The following PRPF4 variants were observed in gnomAD, a reference collection of about 807,000 sequenced individuals.
The protein encoded by PRPF4 is U4/U6 small nuclear ribonucleoprotein Prp4.
A neutral mutation model predicts 72.2 loss-of-function variants in PRPF4; 14 were observed. The observed-to-expected ratio is 0.19, with a 90% CI of 0.13 to 0.30. The LOEUF is 0.30. Ranked by LOEUF, PRPF4 falls within the 10% of genes least tolerant of loss-of-function variation. The probability of loss-of-function intolerance (pLI) is 1.00; values close to 1 mark genes in which losing one functional copy is unlikely to be tolerated. For missense variants in PRPF4, 478 were observed against 653.9 expected (o/e 0.73, Z 2.93); for synonymous variants, 225 against 232.2 (o/e 0.97, Z 0.28).
intron 9 of PRPF4, among the ~76,000 whole-genome samples, chr9:113,287,123 A>G (rs1207139138): frequency 6.6e-6 from 1 of 152,166 alleles, no homozygotes; most frequent in Non-Finnish European, 1.5e-5. Context: ...TAGTGTGAAA[A>G]TGAAGTAAGT....
rs375183276 is a variant in PRPF4 at position 113,287,058 on chromosome 9, CA to C, written c.932+241del. On this transcript the variant is annotated intron_variant, in intron 9 of 13. Coordinates refer to ENST00000374198, the MANE Select transcript of PRPF4 (RefSeq NM_001244926.2). Reference sequence around the variant, plus strand: ...AGAGCAAGACTCCGTCTTGAAAGAACAAAAAAAAAAATCTGGCATTTAACCC... The same window carrying C: ...AGAGCAAGACTCCGTCTTGAAAGAACAAAAAAAAAATCTGGCATTTAACCC... Among the ~76,000 whole-genome samples the C allele has an allele frequency of 5.1e-4, 74 of 144,766 alleles. 1 individual carries two copies. The highest frequency in any genetic ancestry group is 1.2e-3 in the Admixed American group (18 of 14,612). 95.0% of individuals were successfully genotyped at this position (144,766 alleles called of 152,430 possible). A position where few individuals can be genotyped will look rare whatever the true frequency, so the allele number is the denominator to read the frequency against.
At chr9:113,282,988 T>C (rs1004554249) in intron 4 of PRPF4, 144 bp from the exon 5 acceptor site, 1 of 1,461,012 alleles carries the variant, frequency 6.8e-7, no homozygotes. Context: ...TAGAAAAAAA[T>C]TCAGTAGAAA....
chr9:113,282,268 T>C (rs1454009775), intron 3 of PRPF4, among the ~76,000 whole-genome samples: 2 of 152,004 alleles, frequency 1.3e-5, no homozygotes, highest in African/African-American at 4.8e-5. Flanking sequence ...AGCCCAGAAG[T>C]TCAAGACTTG....
rs1296800336 is a variant in PRPF4 at position 113,287,285 on chromosome 9, T to C, written c.932+457T>C. Among the ~76,000 whole-genome samples the C allele has an allele frequency of 3.3e-5, 5 of 152,288 alleles. No homozygotes were observed. The East Asian group carries it at 9.6e-4, about 29-fold the overall frequency. ...AGAAAGATCCAGCCTACCTCCTACA[T>C]GATAAATTAACAATGAACTAAATAT... is the stretch of plus-strand genomic sequence containing the variant. On this transcript the variant is annotated intron_variant, in intron 9 of 13. Coordinates refer to ENST00000374198, the MANE Select transcript of PRPF4 (RefSeq NM_001244926.2).
At chr9:113,283,705 T>C (rs1832350929) in intron 6 of PRPF4, among the ~76,000 whole-genome samples, 1 of 152,104 alleles carries the variant, frequency 6.6e-6, no homozygotes, top group South Asian at 2.1e-4. Context: ...TTTCTCCCCG[T>C]TAATATGTCA....
intron 10 of PRPF4, among the ~76,000 whole-genome samples, 178 bp from the exon 11 acceptor site, chr9:113,290,288 C>T (rs1832570993): frequency 6.6e-6 from 1 of 151,622 alleles, no homozygotes; most frequent in Non-Finnish European, 1.5e-5. Context: ...GCACCTAAGG[C>T]AGATAAGCTT....
intron 7 of PRPF4, among the ~76,000 whole-genome samples, chr9:113,285,076 A>G (rs1440647689): frequency 1.3e-5 from 2 of 152,032 alleles, no homozygotes; most frequent in Non-Finnish European, 2.9e-5. Context: ...CACCTCTCCA[A>G]GCCTCATTAC....
At chr9:113,286,607 T>G in intron 8 of PRPF4, 98 bp from the exon 9 acceptor site, 1 of 1,372,076 alleles carries the variant, frequency 7.3e-7, no homozygotes, top group South Asian at 1.3e-5. Flanking sequence ...AGTTGAATAG[T>G]CACTTGAATA....
At chr9:113,284,215 C>G in intron 6 of PRPF4, 80 bp from the exon 7 acceptor site, 1 of 1,106,258 alleles carries the variant, frequency 9.0e-7, no homozygotes, top group Non-Finnish European at 1.3e-6. Flanking sequence ...CTTTGTTGTT[C>G]TTTTTATGGT....
In PRPF4 at chr9:113,291,848, A is replaced by G. The variant is rs1025784364; in HGVS notation, c.*188A>G. On this transcript the variant is annotated 3_prime_UTR_variant, in exon 14 of 14. Transcript: ENST00000374198. ...CAGCCCAATCCCTAGGTGATGGGGA[A>G]CCCCTCTCACGGTTGAAAATTTATT... 1 of 575,322 alleles carries G rather than the reference A, an allele frequency of 1.7e-6. No homozygotes were observed. The highest frequency in any genetic ancestry group is 3.0e-5 in the East Asian group (1 of 33,596). The allele number at this position is 575,322 out of a possible 1,614,324, so 35.6% of individuals were successfully genotyped here. A position where few individuals can be genotyped will look rare whatever the true frequency, so the allele number is the denominator to read the frequency against.
In PRPF4 at chr9:113,286,373, C is replaced by T. The variant is rs997983760; in HGVS notation, c.808+83C>T. 3.2e-5 allele frequency: 40 copies of T among 1,236,310 alleles called. No homozygotes were observed. In the Middle Eastern group the frequency reaches 9.3e-4, roughly 29 times the overall value. The allele number at this position is 1,236,310 out of a possible 1,614,324, so 76.6% of individuals were successfully genotyped here. ...CTTAAACTCTGCTTGACACTCAGAC[C>T]CCATACACACAGCATTAATCCTTGA... On this transcript the variant is annotated intron_variant, in intron 8 of 13. Transcript: ENST00000374198.
intron 13 of PRPF4, 21 bp downstream of exon 13, chr9:113,291,037 A>G (rs1437987174): frequency 1.3e-6 from 2 of 1,591,468 alleles, no homozygotes; most frequent in East Asian, 4.5e-5. Context: ...CTCCTATTTT[A>G]CGTCTAAATG....
At chr9:113,291,134 C>CT in intron 13 of PRPF4, 118 bp downstream of exon 13, 1 of 1,062,740 alleles carries the variant, frequency 9.4e-7, no homozygotes. Context: ...AATTGACCTA[C>CT]TGGTAAAGGA....
In PRPF4 at chr9:113,290,962, T is replaced by G; in HGVS notation, c.1318T>G (p.Cys440Gly). ...AGTGTGGGACCTCCGACAGCGGCGT[T>G]GCGTCTACACCATCCCTGCTCATCA... Reference protein sequence around the residue: ...CKVWDLRQRRCVYTIPAHQNL... With the variant: ...CKVWDLRQRRGVYTIPAHQNL... The change falls in exon 13 of 14, where the codon TGC becomes GGC. Residue 440 changes from cysteine (C) to glycine (G), a missense_variant. Transcript: ENST00000374198. 6.2e-7 allele frequency: 1 copy of G among 1,614,148 alleles called. No individual in the cohort carries two copies. Among genetic ancestry groups the G allele is most frequent in the Non-Finnish European group, 8.5e-7 (1 of 1,180,016 alleles).
At position 113,288,250 on chromosome 9, in the gene PRPF4, C is replaced by T; in HGVS notation, c.1008C>T (p.Phe336=). 4 of 1,614,162 alleles carry T rather than the reference C, an allele frequency of 2.5e-6. No homozygotes were observed. Among genetic ancestry groups the T allele is most frequent in the South Asian group, 1.1e-5 (1 of 91,070 alleles). ...TAATGTGGCATCCTTCAGGACGTTTCCTGGGCACCACCTGGTGAGCCATCC... is the reference window on the plus strand; with the variant it reads ...TAATGTGGCATCCTTCAGGACGTTTTCTGGGCACCACCTGGTGAGCCATCC... The part of the protein sequence containing the change: ...ARVMWHPSGR[F]LGTTCYDRSW... The change falls in exon 10 of 14, where the codon TTC becomes TTT. Residue 336 remains phenylalanine (F), a synonymous_variant. Coordinates refer to ENST00000374198, the MANE Select transcript of PRPF4 (RefSeq NM_001244926.2).
intron 3 of PRPF4, among the ~76,000 whole-genome samples, chr9:113,279,553 A>G (rs1474298360): frequency 6.6e-6 from 1 of 151,514 alleles, no homozygotes; most frequent in Non-Finnish European, 1.5e-5. Flanking sequence ...GTTATTTTTT[A>G]TATTTTTGTA....
intron 10 of PRPF4, among the ~76,000 whole-genome samples, chr9:113,290,021 A>G (rs993777780): frequency 2.0e-5 from 3 of 152,130 alleles, no homozygotes; most frequent in Non-Finnish European, 4.4e-5. Flanking sequence ...GGAGTTCGAG[A>G]CCAGCCTGGC....
At chr9:113,282,845 T>G in intron 4 of PRPF4, 112 bp downstream of exon 4, 1 of 1,074,702 alleles carries the variant, frequency 9.3e-7, no homozygotes, top group Non-Finnish European at 1.4e-6. Context: ...GAAATGTTTT[T>G]GAAGGCTCTA....
rs758702618 is a variant in PRPF4, at chr9:113,275,721, G to T, written c.-23G>T. ...AAGGGAGTGTTCGGGTTTCGCTGGG[G>T]CCTCGCGGCTCCAGAGCCCAGCATG... On this transcript the variant is annotated 5_prime_UTR_variant, in exon 1 of 14. Coordinates refer to ENST00000374198, the MANE Select transcript of PRPF4 (RefSeq NM_001244926.2). 4.4e-6 allele frequency: 7 copies of T among 1,608,566 alleles called. No individual in the cohort carries two copies. In the South Asian group the frequency reaches 5.5e-5, roughly 13 times the overall value.
Sources: gnomAD v4.1 joint callset for allele counts (sites outside exome capture counted in the v4.1 genomes callset) on GRCh38, gnomAD v4.1.1 for gene constraint, MANE v1.5 for transcripts, NCBI Gene and HGNC (gene_info 2026-07-23, HGNC 2026-07-21) for gene names.